The following MTHFD1L variants were observed in gnomAD, a reference collection of about 807,000 sequenced individuals.
The protein encoded by MTHFD1L is methylenetetrahydrofolate dehydrogenase (NADP+ dependent) 1 like, also known as monofunctional C1-tetrahydrofolate synthase, mitochondrial.
A neutral mutation model predicts 119.5 loss-of-function variants in MTHFD1L; 81 were observed. The observed-to-expected ratio is 0.68, with a 90% CI of 0.57 to 0.82. MTHFD1L has a LOEUF of 0.82. Ranked by LOEUF, MTHFD1L falls within the 40% of genes least tolerant of loss-of-function variation. MTHFD1L has a pLI of 0.00. For missense variants in MTHFD1L, 1,125 were observed against 1,253.4 expected, an observed-to-expected ratio of 0.90 and a Z score of 1.55; for synonymous variants, 430 against 475.2, an observed-to-expected ratio of 0.90 and a Z score of 1.24.
chr6:150,996,953 T>C (rs1297024346), intron 20 of MTHFD1L, among the ~76,000 whole-genome samples: 1 of 152,112 alleles, frequency 6.6e-6, no homozygotes, highest in Non-Finnish European at 1.5e-5. Context: ...CCACCTCTGC[T>C]CCCAGGGGCC....
intron 20 of MTHFD1L, among the ~76,000 whole-genome samples, chr6:150,995,162 G>A (rs144336472): frequency 2.0e-5 from 3 of 152,100 alleles, no homozygotes; most frequent in African/African-American, 7.2e-5. Context: ...GATGGGGGAG[G>A]GGTGGGGAGA....
intron 26 of MTHFD1L, among the ~76,000 whole-genome samples, chr6:151,053,946 A>C (rs1789486675): frequency 6.6e-6 from 1 of 152,118 alleles, no homozygotes; most frequent in Non-Finnish European, 1.5e-5. Flanking sequence ...CTTTTTGTTA[A>C]AGCTGGTTTG....
chr6:151,016,102 A>G (rs1783011457), intron 24 of MTHFD1L, among the ~76,000 whole-genome samples: 1 of 152,102 alleles, frequency 6.6e-6, no homozygotes, highest in Admixed American at 6.6e-5. Context: ...CAAACAAACA[A>G]ACAAAAAGGT....
intron 20 of MTHFD1L, among the ~76,000 whole-genome samples, chr6:151,005,063 G>A (rs1156339420): frequency 6.6e-6 from 1 of 152,080 alleles, no homozygotes; most frequent in Non-Finnish European, 1.5e-5. Context: ...GTTAAGAACT[G>A]CAAATATGAT....
chr6:150,937,285 G>A (rs573742420), intron 12 of MTHFD1L, among the ~76,000 whole-genome samples: 8 of 152,236 alleles, frequency 5.3e-5, no homozygotes, highest in Non-Finnish European at 7.4e-5. Flanking sequence ...TCCCAGTCCC[G>A]GGGAAAGGTC....
At chr6:150,990,082 C>T (rs2128441678) in intron 20 of MTHFD1L, among the ~76,000 whole-genome samples, 1 of 152,178 alleles carries the variant, frequency 6.6e-6, no homozygotes, top group South Asian at 2.1e-4. Context: ...AGTTCGAGAC[C>T]AGCTTGGCCA....
At chr6:151,093,048 G>C (rs968229102) in intron 27 of MTHFD1L, among the ~76,000 whole-genome samples, 2 of 152,206 alleles carry the variant, frequency 1.3e-5, no homozygotes, top group Non-Finnish European at 2.9e-5. Context: ...CCATGACAAA[G>C]TATCGCAAAC....
chr6:151,067,746 C>A (rs1314391377), intron 26 of MTHFD1L, among the ~76,000 whole-genome samples: 1 of 152,234 alleles, frequency 6.6e-6, no homozygotes, highest in Non-Finnish European at 1.5e-5. Flanking sequence ...CTCCTCAACC[C>A]AGAGAGTGAA....
chr6:150,902,465 A>C (rs1439794586), intron 7 of MTHFD1L, among the ~76,000 whole-genome samples: 1 of 152,222 alleles, frequency 6.6e-6, no homozygotes, highest in Non-Finnish European at 1.5e-5. Context: ...GGTCTCTCCC[A>C]TTTGGGAGGA....
chr6:151,099,652 A>G (rs1795194825), intron 27 of MTHFD1L: 11 of 1,603,534 alleles, frequency 6.9e-6, no homozygotes, highest in South Asian at 2.2e-5. Flanking sequence ...AGGCATTGAC[A>G]ACAGGGTTCG....
chr6:151,082,240 C>T (rs1361917453), intron 26 of MTHFD1L, among the ~76,000 whole-genome samples: 1 of 152,188 alleles, frequency 6.6e-6, no homozygotes, highest in African/African-American at 2.4e-5. Context: ...ATTTGTGCTT[C>T]AGCTCTTCCC....
intron 26 of MTHFD1L, chr6:151,088,389 A>G (rs1241719781): frequency 3.7e-4 from 2 of 5,472 alleles, no homozygotes; most frequent in Non-Finnish European, 6.3e-4. Flanking sequence ...ATCTGAAAGA[A>G]AGAAAAGTTG....
intron 24 of MTHFD1L, among the ~76,000 whole-genome samples, chr6:151,032,748 T>C (rs1176306080): frequency 6.6e-6 from 1 of 152,222 alleles, no homozygotes. Context: ...TCTTTTTATG[T>C]CCCTCAGTGA....
chr6:150,955,503 T>G (rs1320477565), intron 16 of MTHFD1L, among the ~76,000 whole-genome samples: 2 of 149,700 alleles, frequency 1.3e-5, no homozygotes, highest in East Asian at 1.9e-4. Flanking sequence ...GGGTTTTTTT[T>G]TTTTTTTTTT....
intron 20 of MTHFD1L, among the ~76,000 whole-genome samples, chr6:151,001,925 A>AAG (rs1780679109): frequency 6.6e-6 from 1 of 152,182 alleles, no homozygotes; most frequent in South Asian, 2.1e-4. Context: ...ACTCTGACTT[A>AAG]AGTAAAGGAA....
At chr6:150,960,917 C>G (rs1796343174) in intron 18 of MTHFD1L, among the ~76,000 whole-genome samples, 1 of 152,078 alleles carries the variant, frequency 6.6e-6, no homozygotes, top group African/African-American at 2.4e-5. Context: ...ATTATAAAAG[C>G]AAATCTCTGC....
In MTHFD1L at chr6:150,877,834, T is replaced by C. The variant is rs767550828; in HGVS notation, c.417+8T>C. On this transcript the variant is annotated splice_region_variant and intron_variant, in intron 4 of 27. Transcript: ENST00000367321. ...GATAGCAGTGAAGCCGAGGTAATAA[T>C]GGCAGAGCTCTAAACTCTTGCTTCT... is the stretch of plus-strand genomic sequence containing the variant. The C allele has an allele frequency of 2.5e-5, 41 of 1,614,132 alleles. No homozygotes were observed. The highest frequency in any genetic ancestry group is 3.3e-4 in the Middle Eastern group (2 of 6,084).
chr6:150,944,740 C>T (rs1793663085), intron 14 of MTHFD1L, 147 bp downstream of exon 14: 2 of 645,278 alleles, frequency 3.1e-6, no homozygotes, highest in Non-Finnish European at 2.7e-6. Context: ...GTCCCTGTTT[C>T]CCAAGGAGAA....
chr6:151,082,506 A>G (rs560074350), intron 26 of MTHFD1L, among the ~76,000 whole-genome samples: 8 of 152,376 alleles, frequency 5.3e-5, no homozygotes, highest in Non-Finnish European at 8.8e-5. Flanking sequence ...ACCCAGAAAA[A>G]TTAGGGAACA....
Sources: allele counts gnomAD v4.1 joint callset (sites outside exome capture counted in the v4.1 genomes callset), GRCh38; gene constraint gnomAD v4.1.1; transcripts MANE v1.5; gene names NCBI Gene and HGNC (gene_info 2026-07-23, HGNC 2026-07-21).